The following GALNTL6 variants were observed in gnomAD, a reference collection of about 807,000 sequenced individuals.
GALNTL6 encodes the protein polypeptide N-acetylgalactosaminyltransferase like 6.
In GALNTL6, 46 loss-of-function variants were observed where a neutral mutation model predicts 73.7. The observed-to-expected ratio is 0.62, with a 90% CI of 0.49 to 0.80. GALNTL6 has a LOEUF of 0.80. Among genes scored for constraint, GALNTL6 ranks in the 30% least tolerant of loss-of-function variants. The probability of loss-of-function intolerance (pLI) is 0.00; values close to 1 mark genes in which losing one functional copy is unlikely to be tolerated. For synonymous variants in GALNTL6, 259 were observed against 263.7 expected (o/e 0.98, Z 0.17); for missense variants, 604 against 755.0 (o/e 0.80, Z 2.34).
At chr4:171,883,496 G>T (rs770625122) in intron 2 of GALNTL6, among the ~76,000 whole-genome samples, 35 of 152,132 alleles carry the variant, frequency 2.3e-4, no homozygotes, top group Admixed American at 9.2e-4. Context: ...CTGCTGATAA[G>T]AGAGTAATTG....
intron 2 of GALNTL6, among the ~76,000 whole-genome samples, chr4:172,212,815 G>T (rs762925751): frequency 1.3e-5 from 2 of 151,898 alleles, no homozygotes; most frequent in Non-Finnish European, 2.9e-5. Flanking sequence ...TTATAGGCAT[G>T]CACCACCACG....
intron 5 of GALNTL6, among the ~76,000 whole-genome samples, chr4:172,666,275 C>T (rs1579309882): frequency 6.6e-6 from 1 of 152,052 alleles, no homozygotes; most frequent in Admixed American, 6.6e-5. Context: ...TTTGCGTGTC[C>T]AAATATAACT....
Position 173,039,945 on chromosome 4 carries a change from T to A in GALNTL6, c.1651T>A (p.Phe551Ile), listed in dbSNP as rs1258473849. The A allele has an allele frequency of 6.2e-7, 1 of 1,613,454 alleles. No homozygotes were observed. The highest frequency in any genetic ancestry group is 2.2e-5 in the East Asian group (1 of 44,894). ...CTCACTCCTCCAGGACAGAACATTA[T>A]TCCATCCTGTGAGCAACAGCTGCAT... is the stretch of plus-strand genomic sequence containing the variant. ...LWGYRKDRTL[F>I]HPVSNSCMDC... The change falls in exon 13 of 13, where the codon TTC (phenylalanine) becomes ATC (isoleucine). Residue 551 changes from phenylalanine (F) to isoleucine (I), a missense_variant. Transcript: ENST00000506823.
chr4:172,116,592 T>G (rs1732990984), intron 2 of GALNTL6, among the ~76,000 whole-genome samples: 1 of 152,146 alleles, frequency 6.6e-6, no homozygotes. Context: ...TACATTGATA[T>G]TCTCTGTATT....
At chr4:172,003,075 A>C (rs1287879200) in intron 2 of GALNTL6, among the ~76,000 whole-genome samples, 2 of 152,242 alleles carry the variant, frequency 1.3e-5, no homozygotes, top group African/African-American at 4.8e-5. Context: ...CTATATTGTC[A>C]AAGATCTCCT....
At chr4:172,101,281 C>A (rs1213060580) in intron 2 of GALNTL6, among the ~76,000 whole-genome samples, 1 of 152,166 alleles carries the variant, frequency 6.6e-6, no homozygotes, top group African/African-American at 2.4e-5. Flanking sequence ...ACTTTCTATG[C>A]TCTTTCCAAT....
At position 172,991,431 on chromosome 4, in the gene GALNTL6, C is replaced by T. The variant is rs9683990; in HGVS notation, c.1372-17747C>T. ...TTTTTTGTTTTGAGACAGAGTCTTG[C>T]TCTGTCACCCAGGCTGCAGTGCAGT... On this transcript the variant is annotated intron_variant, in intron 10 of 12. Coordinates refer to ENST00000506823, the MANE Select transcript of GALNTL6 (RefSeq NM_001034845.3). Among the ~76,000 whole-genome samples, 1,434 of 151,890 alleles carry T rather than the reference C, an allele frequency of 9.4e-3. 26 individuals carry two copies. The highest frequency in any genetic ancestry group is 0.033 in the African/African-American group (1,370 of 41,424).
At chr4:171,831,821 C>G (rs546795800) in intron 2 of GALNTL6, among the ~76,000 whole-genome samples, 40 of 151,816 alleles carry the variant, frequency 2.6e-4, no homozygotes, top group African/African-American at 9.6e-4. Flanking sequence ...TAAAACATAA[C>G]TTTCTAATGG....
At position 171,931,249 on chromosome 4, in the gene GALNTL6, A is replaced by G. The variant is rs186336665; in HGVS notation, c.138+116531A>G. Among the ~76,000 whole-genome samples, 322 of 152,268 alleles carry G rather than the reference A, an allele frequency of 2.1e-3. 1 individual carries two copies. Among genetic ancestry groups the G allele is most frequent in the African/African-American group, 7.5e-3 (311 of 41,554 alleles). On this transcript the variant is annotated intron_variant, in intron 2 of 12. Coordinates refer to ENST00000506823, the MANE Select transcript of GALNTL6 (RefSeq NM_001034845.3). ...CAAGCTGGAGTGCAGTGGTGCAATC[A>G]TGGCTCACTGAAGCTTTGAACTCCT... is the stretch of plus-strand genomic sequence containing the variant.
intron 5 of GALNTL6, among the ~76,000 whole-genome samples, chr4:172,415,793 C>T (rs1730809646): frequency 6.6e-6 from 1 of 152,044 alleles, no homozygotes; most frequent in African/African-American, 2.4e-5. Flanking sequence ...GCAGTGGGTA[C>T]GTGACCGGGG....
At chr4:172,392,833 G>T (rs1050889890) in intron 5 of GALNTL6, among the ~76,000 whole-genome samples, 1 of 152,132 alleles carries the variant, frequency 6.6e-6, no homozygotes, top group Non-Finnish European at 1.5e-5. Context: ...ATGAAATGAG[G>T]ATAACTATTT....
At chr4:172,020,099 A>G (rs1164783514) in intron 2 of GALNTL6, among the ~76,000 whole-genome samples, 1 of 152,130 alleles carries the variant, frequency 6.6e-6, no homozygotes, top group African/African-American at 2.4e-5. Context: ...AATAAAATTG[A>G]AAAGTTTCTT....
chr4:171,927,299 T>A (rs1485104562), intron 2 of GALNTL6, among the ~76,000 whole-genome samples: 1 of 152,172 alleles, frequency 6.6e-6, no homozygotes, highest in Admixed American at 6.5e-5. Context: ...TTTCTTTTTT[T>A]GTTTTTTAGA....
chr4:171,824,873 C>G (rs903774277), intron 2 of GALNTL6, among the ~76,000 whole-genome samples: 1 of 152,080 alleles, frequency 6.6e-6, no homozygotes, highest in East Asian at 1.9e-4. Flanking sequence ...GAAAATAATA[C>G]GGCACTTGTT....
intron 11 of GALNTL6, among the ~76,000 whole-genome samples, chr4:173,014,498 C>G (rs1021874862): frequency 2.0e-5 from 3 of 152,178 alleles, no homozygotes; most frequent in African/African-American, 2.4e-5. Context: ...GGCTCCCTCT[C>G]CAGGGCCTAG....
chr4:171,920,715 C>T (rs1486306106), intron 2 of GALNTL6, among the ~76,000 whole-genome samples: 1 of 152,086 alleles, frequency 6.6e-6, no homozygotes, highest in Non-Finnish European at 1.5e-5. Context: ...CAAATACATA[C>T]ACACAAACAC....
chr4:172,281,195 A>T (rs1380862344), intron 3 of GALNTL6, among the ~76,000 whole-genome samples: 2 of 151,996 alleles, frequency 1.3e-5, no homozygotes, highest in East Asian at 3.9e-4. Context: ...AGCAATGCAA[A>T]TTCATTACCT....
At chr4:171,939,526 T>A (rs1338753411) in intron 2 of GALNTL6, among the ~76,000 whole-genome samples, 1 of 151,988 alleles carries the variant, frequency 6.6e-6, no homozygotes, top group Non-Finnish European at 1.5e-5. Context: ...AGACACAGAA[T>A]GTATTTTCAA....
intron 5 of GALNTL6, among the ~76,000 whole-genome samples, chr4:172,639,819 A>G (rs758537817): frequency 2.3e-4 from 35 of 152,178 alleles, no homozygotes; most frequent in Non-Finnish European, 3.7e-4. Context: ...TGAAATTTCT[A>G]TGTTTTAATA....
Sources: allele counts gnomAD v4.1 joint callset (sites outside exome capture counted in the v4.1 genomes callset), GRCh38; gene constraint gnomAD v4.1.1; transcripts MANE v1.5; gene names NCBI Gene and HGNC (gene_info 2026-07-23, HGNC 2026-07-21).